The following TMEM131L variants were observed in gnomAD, a reference collection of about 807,000 sequenced individuals.
TMEM131L encodes transmembrane protein 131-like.
A neutral mutation model predicts 192.2 loss-of-function variants in TMEM131L; 54 were observed. The observed-to-expected ratio is 0.28, with a 90% CI of 0.23 to 0.35. The LOEUF (loss-of-function observed/expected upper bound fraction) is 0.35. Ranked by LOEUF, TMEM131L falls within the 10% of genes least tolerant of loss-of-function variation. The probability of loss-of-function intolerance (pLI) is 1.00; values close to 1 mark genes in which losing one functional copy is unlikely to be tolerated. For missense variants in TMEM131L, 1,888 were observed against 1,972.9 expected (o/e 0.96, Z 0.82); for synonymous variants, 701 against 704.9 (o/e 0.99, Z 0.09).
intron 3 of TMEM131L, among the ~76,000 whole-genome samples, chr4:153,532,489 A>G (rs144795167): frequency 0.012 from 1,861 of 151,988 alleles, 43 homozygotes; most frequent in African/African-American, 0.043. Flanking sequence ...CACATGGCAT[A>G]CAATTTGCCC....
At chr4:153,472,802 G>A (rs1731252234) in intron 2 of TMEM131L, among the ~76,000 whole-genome samples, 1 of 152,186 alleles carries the variant, frequency 6.6e-6, no homozygotes, top group Non-Finnish European at 1.5e-5. Context: ...TTCCCAAGAG[G>A]CAGTGGGGGA....
At chr4:153,600,965 C>T (rs937461952) in intron 21 of TMEM131L, among the ~76,000 whole-genome samples, 4 of 152,110 alleles carry the variant, frequency 2.6e-5, no homozygotes, top group African/African-American at 4.8e-5. Flanking sequence ...ACAAAATTAG[C>T]TGGGCGTGGT....
At chr4:153,486,243 A>G (rs1444712587) in intron 3 of TMEM131L, among the ~76,000 whole-genome samples, 3 of 152,316 alleles carry the variant, frequency 2.0e-5, no homozygotes, top group South Asian at 4.1e-4. Context: ...CTTTAGTTTT[A>G]TGCTAATTCT....
intron 3 of TMEM131L, among the ~76,000 whole-genome samples, chr4:153,537,117 C>T (rs1348472046): frequency 6.6e-6 from 1 of 152,204 alleles, no homozygotes; most frequent in Non-Finnish European, 1.5e-5. Context: ...CAATACTCTG[C>T]ATCCTTCAAT....
chr4:153,610,197 A>G (rs930047568), intron 25 of TMEM131L, among the ~76,000 whole-genome samples: 2 of 152,170 alleles, frequency 1.3e-5, no homozygotes, highest in Non-Finnish European at 2.9e-5. Flanking sequence ...CTCTAGGCAA[A>G]TAGTTGACTG....
At chr4:153,508,105 A>G (rs1258896947) in intron 3 of TMEM131L, among the ~76,000 whole-genome samples, 3 of 152,214 alleles carry the variant, frequency 2.0e-5, no homozygotes, top group Non-Finnish European at 2.9e-5. Flanking sequence ...ATATTTAATG[A>G]TGTTAGGACT....
At chr4:153,533,497 A>T (rs1411159784) in intron 3 of TMEM131L, among the ~76,000 whole-genome samples, 2 of 152,218 alleles carry the variant, frequency 1.3e-5, no homozygotes, top group Non-Finnish European at 2.9e-5. Flanking sequence ...CTGGGATTAC[A>T]GATCTATTCA....
chr4:153,498,331 G>T (rs1043609125), intron 3 of TMEM131L, among the ~76,000 whole-genome samples: 2 of 152,194 alleles, frequency 1.3e-5, no homozygotes, highest in African/African-American at 2.4e-5. Context: ...GGACAGAGAG[G>T]CAGGGTTTAC....
At position 153,518,553 on chromosome 4, in the gene TMEM131L, G is replaced by A. The variant is rs528913713; in HGVS notation, c.240-31520G>A. ...AAAATCACTGGAGAGAAAAATGTACGTAACAAGTGTGATGTGTTTGGTGCT... is the reference window on the plus strand; with the variant it reads ...AAAATCACTGGAGAGAAAAATGTACATAACAAGTGTGATGTGTTTGGTGCT... On this transcript the variant is annotated intron_variant, in intron 3 of 34. Transcript: ENST00000409959. Among the ~76,000 whole-genome samples, 6 of 152,302 alleles carry A rather than the reference G, an allele frequency of 3.9e-5. No individual in the cohort carries two copies. In the East Asian group the frequency reaches 5.8e-4, roughly 15 times the overall value.
chr4:153,525,620 G>A (rs1490273606), intron 3 of TMEM131L, among the ~76,000 whole-genome samples: 1 of 152,144 alleles, frequency 6.6e-6, no homozygotes, highest in African/African-American at 2.4e-5. Flanking sequence ...GATTACAGGC[G>A]TGAGCCACCG....
At chr4:153,522,360 G>A (rs1379330347) in intron 3 of TMEM131L, among the ~76,000 whole-genome samples, 1 of 152,142 alleles carries the variant, frequency 6.6e-6, no homozygotes. Context: ...GATAATAGGA[G>A]ACTTAAATAA....
intron 3 of TMEM131L, among the ~76,000 whole-genome samples, chr4:153,496,306 T>A (rs1455543718): frequency 6.6e-6 from 1 of 152,186 alleles, no homozygotes; most frequent in African/African-American, 2.4e-5. Flanking sequence ...TGTAGAAGCC[T>A]GGTACAAAAA....
Position 153,588,881 on chromosome 4 carries a change from A to G in TMEM131L, c.1553-9A>G. 1 of 1,391,508 alleles carries G rather than the reference A, an allele frequency of 7.2e-7. No individual in the cohort carries two copies. 86.2% of individuals were successfully genotyped at this position (1,391,508 alleles called of 1,614,324 possible). ...TAAATCTAAATATGGAATCTGATCT[A>G]ACTTTTAGGAAATCCTAATTGGAAT... On this transcript the variant is annotated splice_polypyrimidine_tract_variant and intron_variant, in intron 15 of 34. Coordinates refer to ENST00000409959, the MANE Select transcript of TMEM131L (RefSeq NM_001131007.2).
chr4:153,475,411 TTACA>T (rs1256855635), intron 3 of TMEM131L, among the ~76,000 whole-genome samples: 1 of 152,226 alleles, frequency 6.6e-6, no homozygotes, highest in Admixed American at 6.5e-5. Context: ...TTTTCAGTAC[TTACA>T]TTTAAAAAAG....
chr4:153,523,992 C>T (rs1214696468), intron 3 of TMEM131L, among the ~76,000 whole-genome samples: 1 of 152,122 alleles, frequency 6.6e-6, no homozygotes, highest in Non-Finnish European at 1.5e-5. Context: ...TTAGAAAATT[C>T]ATGTTTATTG....
At chr4:153,580,009 C>T (rs1730223307) in intron 7 of TMEM131L, among the ~76,000 whole-genome samples, 1 of 152,090 alleles carries the variant, frequency 6.6e-6, no homozygotes, top group Non-Finnish European at 1.5e-5. Flanking sequence ...ACTGTGGCTC[C>T]CGGGTGGAGT....
intron 28 of TMEM131L, 126 bp from the exon 29 acceptor site, chr4:153,622,772 C>G: frequency 4.6e-6 from 4 of 860,926 alleles, no homozygotes; most frequent in Non-Finnish European, 7.7e-6. Flanking sequence ...TCCTTTCTTG[C>G]TAGATGAGCA....
At chr4:153,545,941 T>C (rs1737140042) in intron 3 of TMEM131L, among the ~76,000 whole-genome samples, 1 of 152,024 alleles carries the variant, frequency 6.6e-6, no homozygotes, top group Admixed American at 6.5e-5. Flanking sequence ...TGGAGTGCAG[T>C]GGTGCGGTCA....
intron 3 of TMEM131L, among the ~76,000 whole-genome samples, chr4:153,518,440 A>G (rs1389994771): frequency 2.0e-5 from 3 of 152,250 alleles, no homozygotes; most frequent in Admixed American, 6.5e-5. Flanking sequence ...TATGAAAATA[A>G]GATGCAGACA....
Sources: gnomAD v4.1 joint callset for allele counts (sites outside exome capture counted in the v4.1 genomes callset) on GRCh38, gnomAD v4.1.1 for gene constraint, MANE v1.5 for transcripts, NCBI Gene and HGNC (gene_info 2026-07-23, HGNC 2026-07-21) for gene names.